The following ENTREP2 variants were observed in gnomAD, a reference collection of about 807,000 sequenced individuals.
ENTREP2 encodes the protein protein ENTREP2.
At chr15:29,207,562 A>G in the ENTREP2 span, among the ~76,000 whole-genome samples, 1,327 of 152,138 alleles carry the variant, frequency 8.7e-3, 17 homozygotes, top group African/African-American at 0.031. Flanking sequence ...GGCTACTTTT[A>G]GAATCCTGCT....
At chr15:29,357,584 TC>T in the ENTREP2 span, among the ~76,000 whole-genome samples, 1 of 152,080 alleles carries the variant, frequency 6.6e-6, no homozygotes, top group Non-Finnish European at 1.5e-5. Context: ...ACGCCTGTAA[TC>T]CCAGCACTTT....
At chr15:29,130,097 G>T in the ENTREP2 span, among the ~76,000 whole-genome samples, 30 of 152,094 alleles carry the variant, frequency 2.0e-4, no homozygotes, top group African/African-American at 6.8e-4. Flanking sequence ...ACCAGGGCGG[G>T]GGCTGGGGCT....
the ENTREP2 span, among the ~76,000 whole-genome samples, chr15:29,188,103 G>T: frequency 1.4e-4 from 21 of 152,154 alleles, no homozygotes; most frequent in African/African-American, 5.1e-4. Flanking sequence ...GGGGCTGTGT[G>T]AAATATTAAT....
chr15:29,514,381 C>T, the ENTREP2 span, among the ~76,000 whole-genome samples: 1 of 152,150 alleles, frequency 6.6e-6, no homozygotes, highest in Admixed American at 6.5e-5. Context: ...TAGCCTGTGT[C>T]AGAATTTCCT....
chr15:29,407,423 G>A, the ENTREP2 span, among the ~76,000 whole-genome samples: 1 of 152,124 alleles, frequency 6.6e-6, no homozygotes, highest in Non-Finnish European at 1.5e-5. Flanking sequence ...CAGCCCTGAG[G>A]TCTCCCTCAC....
At chr15:29,320,106 G>T in the ENTREP2 span, among the ~76,000 whole-genome samples, 36 of 152,272 alleles carry the variant, frequency 2.4e-4, 1 homozygote, top group South Asian at 6.0e-3. Flanking sequence ...TCTCACCTAA[G>T]GCAGGAATAA....
the ENTREP2 span, among the ~76,000 whole-genome samples, chr15:29,659,265 T>A: frequency 6.6e-6 from 1 of 152,070 alleles, no homozygotes; most frequent in Non-Finnish European, 1.5e-5. Flanking sequence ...GGTCAGGAGA[T>A]CGAGGCCATC....
At chr15:29,308,433 C>T in the ENTREP2 span, among the ~76,000 whole-genome samples, 1,138 of 152,302 alleles carry the variant, frequency 7.5e-3, 6 homozygotes, top group Middle Eastern at 0.027. Context: ...CTGATAATGA[C>T]AGTTCACAGG....
chr15:29,486,413 G>A, the ENTREP2 span, among the ~76,000 whole-genome samples: 2 of 151,954 alleles, frequency 1.3e-5, no homozygotes, highest in East Asian at 1.9e-4. Flanking sequence ...AATCCTGTCC[G>A]GGCACAGTGG....
chr15:29,469,356 C>T, the ENTREP2 span, among the ~76,000 whole-genome samples: 2,030 of 152,274 alleles, frequency 0.013, 54 homozygotes, highest in African/African-American at 0.047. Flanking sequence ...CACGCCACCA[C>T]GCCCAGCTAA....
At chr15:29,537,266 A>G in the ENTREP2 span, among the ~76,000 whole-genome samples, 1 of 152,146 alleles carries the variant, frequency 6.6e-6, no homozygotes, top group East Asian at 1.9e-4. Flanking sequence ...GAGTCCACGC[A>G]CCGCTTTAAC....
the ENTREP2 span, among the ~76,000 whole-genome samples, chr15:29,642,514 A>ATACATATATACACATATATATCATATG: frequency 1.3e-5 from 2 of 148,158 alleles, no homozygotes; most frequent in Non-Finnish European, 3.0e-5. Flanking sequence ...TATATCATAT[A>ATACATATATACACATATATATCATATG]TACATATATA....
chr15:29,190,942 G>T, the ENTREP2 span, among the ~76,000 whole-genome samples: 1 of 152,150 alleles, frequency 6.6e-6, no homozygotes, highest in Non-Finnish European at 1.5e-5. Context: ...TAAGCGTCAA[G>T]AACATTTTGC....
At chr15:29,361,500 T>C in the ENTREP2 span, among the ~76,000 whole-genome samples, 2 of 152,212 alleles carry the variant, frequency 1.3e-5, no homozygotes, top group Admixed American at 6.5e-5. Context: ...TTATACAACT[T>C]TATGTATCTT....
chr15:29,457,643 G>A, the ENTREP2 span, among the ~76,000 whole-genome samples: 1 of 152,182 alleles, frequency 6.6e-6, no homozygotes, highest in Non-Finnish European at 1.5e-5. Context: ...CTGTTCCTTT[G>A]GCTGTGTTAA....
At chr15:29,127,363 G>C in the ENTREP2 span, among the ~76,000 whole-genome samples, 1 of 152,168 alleles carries the variant, frequency 6.6e-6, no homozygotes, top group Non-Finnish European at 1.5e-5. Flanking sequence ...ACACTTCATA[G>C]ATCACAGAAG....
the ENTREP2 span, chr15:29,136,449 C>A: frequency 6.5e-7 from 1 of 1,547,350 alleles, no homozygotes. Context: ...CTATTGATGG[C>A]CACGTCATAC....
At chr15:29,636,783 T>C in the ENTREP2 span, among the ~76,000 whole-genome samples, 1 of 152,296 alleles carries the variant, frequency 6.6e-6, no homozygotes, top group East Asian at 1.9e-4. Flanking sequence ...TGACCCTAAT[T>C]TTGTAAGACA....
the ENTREP2 span, among the ~76,000 whole-genome samples, chr15:29,139,283 G>A: frequency 5.9e-5 from 9 of 152,160 alleles, no homozygotes; most frequent in East Asian, 3.9e-4. Flanking sequence ...CACACTCCTC[G>A]CCTCTCTGGC....
Sources: gnomAD v4.1 joint callset for allele counts (sites outside exome capture counted in the v4.1 genomes callset) on GRCh38, gnomAD v4.1.1 for gene constraint, MANE v1.5 for transcripts, NCBI Gene and HGNC (gene_info 2026-07-23, HGNC 2026-07-21) for gene names.